PBRM1: variants seen among roughly 807,000 people sequenced by gnomAD.
PBRM1 encodes protein polybromo-1.
A neutral mutation model predicts 194.5 loss-of-function variants in PBRM1; 27 were observed. The observed-to-expected ratio is 0.14, with a 90% confidence interval of 0.10 to 0.19. The LOEUF (loss-of-function observed/expected upper bound fraction) is 0.19. Ranked by LOEUF, PBRM1 falls within the 10% of genes least tolerant of loss-of-function variation. The probability of loss-of-function intolerance (pLI) is 1.00; values close to 1 mark genes in which losing one functional copy is unlikely to be tolerated. For synonymous variants in PBRM1, 655 were observed against 693.2 expected (o/e 0.94, Z 0.87); for missense variants, 1,466 against 2,077.2 (o/e 0.71, Z 5.72).
At chr3:52,557,797 C>G (rs2082525711) in intron 26 of PBRM1, among the ~76,000 whole-genome samples, 1 of 152,134 alleles carries the variant, frequency 6.6e-6, no homozygotes, top group Non-Finnish European at 1.5e-5. Context: ...GTCAAAAAAT[C>G]CTTTTAAACG....
exon 20 of PBRM1, chr3:52,586,520 C>A (rs201156614): frequency 4.0e-4 from 643 of 1,613,784 alleles, no homozygotes; most frequent in Non-Finnish European, 5.2e-4. Context: ...AATACAGAGG[C>A]CACGCGAACC....
At chr3:52,584,907 A>T (rs561365859) in intron 20 of PBRM1, among the ~76,000 whole-genome samples, 52 of 152,314 alleles carry the variant, frequency 3.4e-4, no homozygotes, top group Non-Finnish European at 5.9e-4. Flanking sequence ...TTCAGGCTTG[A>T]GACACAAATA....
At chr3:52,567,000 C>T (rs61484330) in intron 22 of PBRM1, among the ~76,000 whole-genome samples, 5,926 of 143,074 alleles carry the variant, frequency 0.041, 398 homozygotes, top group African/African-American at 0.14. Flanking sequence ...ACCTGGGAGG[C>T]GGAGGTTGCA....
chr3:52,547,135 C>T (rs959480912), downstream of PBRM1: 8 of 232,848 alleles, frequency 3.4e-5, no homozygotes, highest in Admixed American at 2.2e-4. Context: ...TTCTTCAAGA[C>T]GAACTTCAAT....
intron 3 of PBRM1, among the ~76,000 whole-genome samples, chr3:52,665,781 A>T (rs2096822225): frequency 6.6e-6 from 1 of 152,194 alleles, no homozygotes; most frequent in African/African-American, 2.4e-5. Context: ...GTCTTCCGCA[A>T]AACTGGTCCC....
intron 10 of PBRM1, among the ~76,000 whole-genome samples, chr3:52,640,769 C>G (rs1048789243): frequency 7.2e-5 from 11 of 151,970 alleles, no homozygotes; most frequent in Non-Finnish European, 1.6e-4. Context: ...TTCCGAGTAG[C>G]TGAGACTACA....
intron 16 of PBRM1, among the ~76,000 whole-genome samples, chr3:52,606,088 C>T (rs1174149790): frequency 2.0e-5 from 3 of 152,102 alleles, no homozygotes; most frequent in Admixed American, 2.0e-4. Context: ...CAGTCTCAAT[C>T]TCCTGGCTCA....
At chr3:52,632,938 C>T (rs2095669574) in intron 11 of PBRM1, among the ~76,000 whole-genome samples, 1 of 152,076 alleles carries the variant, frequency 6.6e-6, no homozygotes, top group African/African-American at 2.4e-5. Context: ...AAGTGATTTG[C>T]CCACCAAATC....
chr3:52,613,554 G>A (rs1471315673), intron 15 of PBRM1, among the ~76,000 whole-genome samples: 1 of 151,924 alleles, frequency 6.6e-6, no homozygotes, highest in African/African-American at 2.4e-5. Flanking sequence ...ATGTTGCCCA[G>A]GCTGGTCTCA....
At chr3:52,561,197 A>C (rs1332293073) in intron 25 of PBRM1, among the ~76,000 whole-genome samples, 1 of 152,204 alleles carries the variant, frequency 6.6e-6, no homozygotes, top group Non-Finnish European at 1.5e-5. Flanking sequence ...TCACTGCCCA[A>C]AGTGATTTAA....
chr3:52,605,514 C>G lies in PBRM1; in HGVS notation c.2568-1782G>C, dbSNP rs574771567. Reference sequence around the variant, plus strand: ...TAGAGCATCAAACTTCAGAGAGGTCCCCAGAATGCTGCTCCCATCAGCAAA... The same window carrying G: ...TAGAGCATCAAACTTCAGAGAGGTCGCCAGAATGCTGCTCCCATCAGCAAA... On this transcript the variant is annotated intron_variant, in intron 16 of 29. Coordinates refer to ENST00000296302, the Ensembl canonical transcript of PBRM1. 1.2e-4 allele frequency among the ~76,000 whole-genome samples: 18 copies of G among 152,200 alleles called. No homozygotes were observed. In the East Asian group the frequency reaches 3.3e-3, roughly 28 times the overall value.
intron 26 of PBRM1, among the ~76,000 whole-genome samples, chr3:52,557,467 A>G (rs1397511618): frequency 3.9e-5 from 6 of 152,204 alleles, no homozygotes; most frequent in African/African-American, 1.4e-4. Context: ...AGGACTGGAG[A>G]GATCTCAAAG....
chr3:52,666,970 T>A (rs2096851499), intron 3 of PBRM1, among the ~76,000 whole-genome samples: 1 of 151,170 alleles, frequency 6.6e-6, no homozygotes, highest in African/African-American at 2.4e-5. Flanking sequence ...AACTGGCCTG[T>A]GGAACAGAAT....
At chr3:52,655,894 G>A (rs1320535773) in intron 5 of PBRM1, among the ~76,000 whole-genome samples, 4 of 152,206 alleles carry the variant, frequency 2.6e-5, no homozygotes. Flanking sequence ...GGGGTACAAA[G>A]TAATCCAAAG....
intron 17 of PBRM1, among the ~76,000 whole-genome samples, chr3:52,599,029 A>T (rs1576456249): frequency 1.5e-5 from 1 of 68,106 alleles, no homozygotes; most frequent in Non-Finnish European, 4.0e-5. Flanking sequence ...AAAAAAAAAA[A>T]AAAAAAAAAA....
At chr3:52,576,653 G>T in exon 22 of PBRM1, 1 of 1,609,786 alleles carries the variant, frequency 6.2e-7, no homozygotes, top group South Asian at 1.1e-5. Context: ...TGAAGATGGG[G>T]CCATAAAAAT....
intron 14 of PBRM1, among the ~76,000 whole-genome samples, chr3:52,615,868 A>G (rs1482133318): frequency 1.3e-5 from 2 of 152,262 alleles, no homozygotes; most frequent in African/African-American, 4.8e-5. Flanking sequence ...ATATCTCAAT[A>G]TCTTAAATTC....
exon 21 of PBRM1, chr3:52,579,070 G>A (rs780124443): frequency 3.7e-6 from 6 of 1,614,016 alleles, no homozygotes; most frequent in East Asian, 2.2e-5. Context: ...ACACGAGGAC[G>A]CACCAGGCCA....
At chr3:52,683,018 G>A (rs1043836014), upstream of PBRM1, among the ~76,000 whole-genome samples, 7 of 151,980 alleles carry the variant, frequency 4.6e-5, no homozygotes, top group East Asian at 3.9e-4. Context: ...TGGCTAACAC[G>A]GTGAAACCCC....
Sources: gnomAD v4.1 joint callset for allele counts (sites outside exome capture counted in the v4.1 genomes callset) on GRCh38, gnomAD v4.1.1 for gene constraint, MANE v1.5 for transcripts, NCBI Gene and HGNC (gene_info 2026-07-23, HGNC 2026-07-21) for gene names.